The following VTI1A variants were observed in gnomAD, a reference collection of about 807,000 sequenced individuals.
VTI1A encodes vesicle transport through interaction with t-SNAREs 1A.
In VTI1A, 22 loss-of-function variants were observed where a neutral mutation model predicts 34.9. The observed-to-expected ratio is 0.63, with a 90% CI of 0.45 to 0.90. The LOEUF (loss-of-function observed/expected upper bound fraction) is 0.90, where lower values mean the gene tolerates loss of function less well. Among genes scored for constraint, VTI1A ranks in the 40% least tolerant of loss-of-function variants. The pLI is 0.00. For synonymous variants in VTI1A, 87 were observed against 97.3 expected, an observed-to-expected ratio of 0.89 and a Z score of 0.62; for missense variants, 268 against 275.6, an observed-to-expected ratio of 0.97 and a Z score of 0.20.
the VTI1A span, among the ~76,000 whole-genome samples, chr10:112,844,591 G>A: frequency 1.3e-5 from 2 of 152,188 alleles, no homozygotes; most frequent in African/African-American, 4.8e-5. Context: ...TAGAGACGGA[G>A]TTTCACCATG....
chr10:112,727,404 T>C (rs1159685022), intron 7 of VTI1A, among the ~76,000 whole-genome samples: 1 of 149,678 alleles, frequency 6.7e-6, no homozygotes, highest in Non-Finnish European at 1.5e-5. Flanking sequence ...ACCACATTTA[T>C]TCCCTAATGA....
At chr10:112,741,134 C>G (rs1414988822) in intron 7 of VTI1A, among the ~76,000 whole-genome samples, 1 of 152,124 alleles carries the variant, frequency 6.6e-6, no homozygotes, top group Non-Finnish European at 1.5e-5. Context: ...TTAGTGGTCA[C>G]AGAGCACTGG....
At chr10:112,620,190 C>A (rs369270964) in intron 5 of VTI1A, among the ~76,000 whole-genome samples, 32 of 152,040 alleles carry the variant, frequency 2.1e-4, no homozygotes, top group Middle Eastern at 3.2e-3. Context: ...TATTGTTGGA[C>A]CGTAAATCTC....
At chr10:112,764,514 G>GA (rs145787700) in intron 7 of VTI1A, among the ~76,000 whole-genome samples, 10,158 of 152,052 alleles carry the variant, frequency 0.067, 1,044 homozygotes, top group African/African-American at 0.22. Flanking sequence ...GTGATATACT[G>GA]AAAAAAATTT....
chr10:112,518,581 C>CTATATATA (rs1208931745), intron 3 of VTI1A, among the ~76,000 whole-genome samples: 2 of 84,228 alleles, frequency 2.4e-5, no homozygotes, highest in East Asian at 8.1e-4. Flanking sequence ...CTCTCTCTCT[C>CTATATATA]TCTCTCTCTA....
intron 5 of VTI1A, among the ~76,000 whole-genome samples, chr10:112,541,021 A>G (rs1850846305): frequency 1.3e-5 from 2 of 152,204 alleles, no homozygotes; most frequent in Admixed American, 6.5e-5. Flanking sequence ...CTCATAAAAC[A>G]TATTTTATTA....
Position 112,698,973 on chromosome 10 carries a change from CCT to C in VTI1A, c.560+29976_560+29977del, listed in dbSNP as rs144542490. Among the ~76,000 whole-genome samples the C allele has an allele frequency of 7.4e-3, 1,123 of 152,298 alleles. 13 individuals are homozygous for C. Among genetic ancestry groups the C allele is most frequent in the African/African-American group, 0.026 (1,086 of 41,564 alleles). ...TGTGGTCCTCCGTAGCTACCACACC[CCT>C]GAGTAGTGGCCTGTTCAAGTGTTCC... On this transcript the variant is annotated intron_variant, in intron 7 of 7. Transcript: ENST00000393077.
intron 5 of VTI1A, among the ~76,000 whole-genome samples, chr10:112,590,505 C>T (rs1242925874): frequency 6.6e-6 from 1 of 151,920 alleles, no homozygotes. Flanking sequence ...TTAGCCTAGC[C>T]AACATGGTGA....
intron 3 of VTI1A, among the ~76,000 whole-genome samples, chr10:112,478,995 T>C (rs10749119): frequency 0.65 from 98,710 of 151,706 alleles, 32,930 homozygotes; most frequent in Non-Finnish European, 0.71. Context: ...GGTGAAACCC[T>C]GTCTGTACTA....
intron 7 of VTI1A, among the ~76,000 whole-genome samples, chr10:112,774,373 C>T (rs181276451): frequency 2.4e-3 from 363 of 152,306 alleles, no homozygotes; most frequent in African/African-American, 7.9e-3. Flanking sequence ...TGACCTGGGC[C>T]TGCCTCTGCC....
At position 112,818,245 on chromosome 10, in the gene VTI1A, G is replaced by A. The variant is rs886989884; in HGVS notation, c.*2862G>A. The A allele has an allele frequency of 1.7e-5, 4 of 233,132 alleles. No homozygotes were observed. Among genetic ancestry groups the A allele is most frequent in the Admixed American group, 5.6e-5 (1 of 17,764 alleles). The allele number at this position is 233,132 out of a possible 1,614,324, so 14.4% of individuals were successfully genotyped here. A position where few individuals can be genotyped will look rare whatever the true frequency, so the allele number is the denominator to read the frequency against. On this transcript the variant is annotated 3_prime_UTR_variant, in exon 8 of 8. Transcript: ENST00000393077. ...TTGTGCGGCTCTGGCCATCCCATGC[G>A]GGGCAAGCCCATTGAGGGTTATCAT...
intron 5 of VTI1A, among the ~76,000 whole-genome samples, chr10:112,548,203 T>C (rs915263246): frequency 2.6e-5 from 4 of 152,226 alleles, no homozygotes; most frequent in African/African-American, 7.2e-5. Flanking sequence ...ACACTGTCTT[T>C]CAACTCACCT....
chr10:112,718,819 A>G (rs182325160), intron 7 of VTI1A, among the ~76,000 whole-genome samples: 1 of 152,346 alleles, frequency 6.6e-6, no homozygotes, highest in Non-Finnish European at 1.5e-5. Flanking sequence ...ATGCATTTCA[A>G]CACAGTAAAA....
chr10:112,453,149 T>C (rs1847303325), intron 1 of VTI1A, among the ~76,000 whole-genome samples: 1 of 152,178 alleles, frequency 6.6e-6, no homozygotes, highest in South Asian at 2.1e-4. Context: ...TGGGATTTGC[T>C]CAATGTTTTT....
chr10:112,717,485 G>T (rs572999110), intron 7 of VTI1A, among the ~76,000 whole-genome samples: 35 of 152,226 alleles, frequency 2.3e-4, no homozygotes, highest in Middle Eastern at 3.4e-3. Flanking sequence ...AACTATGTAG[G>T]GGGGACAGGA....
chr10:112,584,883 T>G (rs1844086295), intron 5 of VTI1A, among the ~76,000 whole-genome samples: 1 of 152,208 alleles, frequency 6.6e-6, no homozygotes, highest in South Asian at 2.1e-4. Flanking sequence ...ACCAAAATAG[T>G]ACATTTAAAT....
chr10:112,579,214 T>C (rs1843827938), intron 5 of VTI1A, among the ~76,000 whole-genome samples: 1 of 152,188 alleles, frequency 6.6e-6, no homozygotes, highest in Non-Finnish European at 1.5e-5. Context: ...CACTTATGTG[T>C]GGAAAAATTC....
intron 5 of VTI1A, among the ~76,000 whole-genome samples, chr10:112,600,467 AC>A (rs1844837459): frequency 6.6e-6 from 1 of 152,130 alleles, no homozygotes; most frequent in South Asian, 2.1e-4. Flanking sequence ...AATACCCAGC[AC>A]ACCCTTGCCC....
intron 7 of VTI1A, among the ~76,000 whole-genome samples, chr10:112,780,532 G>A (rs1433317820): frequency 6.6e-6 from 1 of 151,942 alleles, no homozygotes; most frequent in Non-Finnish European, 1.5e-5. Flanking sequence ...GTTTCCAGTG[G>A]AGGTTTTCTA....
Sources: allele counts gnomAD v4.1 joint callset (sites outside exome capture counted in the v4.1 genomes callset), GRCh38; gene constraint gnomAD v4.1.1; transcripts MANE v1.5; gene names NCBI Gene and HGNC (gene_info 2026-07-23, HGNC 2026-07-21).